The following FLNB variants were observed in gnomAD, a reference collection of about 807,000 sequenced individuals.
FLNB encodes filamin-B.
Under a neutral mutation model 250.6 loss-of-function variants are expected in FLNB, and 111 were observed. The observed-to-expected ratio is 0.44, with a 90% CI of 0.38 to 0.52. FLNB has a LOEUF of 0.52. FLNB is among the 20% of genes least tolerant of loss of function. The pLI, the probability that FLNB is intolerant of heterozygous loss-of-function variation, is 0.00. For synonymous variants in FLNB, 1,302 were observed against 1,372.1 expected (o/e 0.95, Z 1.13); for missense variants, 2,869 against 3,447.8 (o/e 0.83, Z 4.20).
Position 58,136,078 on chromosome 3 carries a change from G to T in FLNB, c.4771G>T (p.Gly1591Ter), listed in dbSNP as rs1462585788. The change falls in exon 28 of 46, where the codon GGA becomes TGA. Residue 1591 changes from glycine to a stop codon, truncating the protein, a stop_gained. Coordinates refer to ENST00000295956, the MANE Select transcript of FLNB (RefSeq NM_001457.4). LOFTEE classifies it high-confidence loss of function. ...IPDKTGRYMIGVTYGGDDIPL... is the reference protein window; with the variant it reads ...IPDKTGRYMI ...CGACAAGACTGGGCGCTATATGATT[G>T]GAGTCACCTACGGGGGTGACGACAT... 1 of 1,614,090 alleles carries T rather than the reference G, an allele frequency of 6.2e-7. No homozygotes were observed.
At chr3:58,055,425 G>A (rs955022341) in intron 1 of FLNB, among the ~76,000 whole-genome samples, 1 of 152,244 alleles carries the variant, frequency 6.6e-6, no homozygotes, top group African/African-American at 2.4e-5. Flanking sequence ...GGCCATATTT[G>A]TGGAGAGACC....
At chr3:58,052,550 C>T (rs1172421957) in intron 1 of FLNB, among the ~76,000 whole-genome samples, 2 of 152,206 alleles carry the variant, frequency 1.3e-5, no homozygotes, top group African/African-American at 4.8e-5. Flanking sequence ...AGACTGACTT[C>T]AGTCTTATCT....
At chr3:58,112,342 C>G (rs1476336808) in intron 18 of FLNB, 24 bp downstream of exon 18, 2 of 1,610,042 alleles carry the variant, frequency 1.2e-6, no homozygotes, top group Non-Finnish European at 1.7e-6. Context: ...CCCCTCTGCT[C>G]CCCTGGCCCC....
At position 58,104,029 on chromosome 3, in the gene FLNB, C is replaced by T. The variant is rs2097255245; in HGVS notation, c.1554C>T (p.Ser518=). The part of the protein sequence containing the change: ...DGVYAFEYYP[S]TPGRYSIAIT... ...TCTACGCATTCGAGTATTACCCCAG[C>T]ACCCCGGGGAGATACAGCATTGCCA... The change falls in exon 10 of 46, where the codon AGC becomes AGT. Residue 518 remains serine, a synonymous_variant. Coordinates refer to ENST00000295956, the MANE Select transcript of FLNB (RefSeq NM_001457.4). 1.2e-6 allele frequency: 2 copies of T among 1,613,648 alleles called. No homozygotes were observed. Among genetic ancestry groups the T allele is most frequent in the African/African-American group, 1.3e-5 (1 of 74,826 alleles).
rs1281611620 is a variant in FLNB, at chr3:58,125,758, A to G, written c.4061+15A>G. Reference sequence around the variant, plus strand: ...GTGGTTACCAGGTAGGCAAGGCCCTACATTTGGTGTCTTGAGTCTCACTTT... The same window carrying G: ...GTGGTTACCAGGTAGGCAAGGCCCTGCATTTGGTGTCTTGAGTCTCACTTT... On this transcript the variant is annotated intron_variant, in intron 23 of 45. Coordinates refer to ENST00000295956, the MANE Select transcript of FLNB (RefSeq NM_001457.4). 1 of 1,613,660 alleles carries G rather than the reference A, an allele frequency of 6.2e-7. No homozygotes were observed. Among genetic ancestry groups the G allele is most frequent in the Non-Finnish European group, 8.5e-7 (1 of 1,179,690 alleles).
Position 58,138,480 on chromosome 3 carries a change from A to T in FLNB, c.5060A>T (p.Tyr1687Phe). The change falls in exon 29 of 46, where the codon TAT becomes TTT. Residue 1687 changes from tyrosine to phenylalanine, a missense_variant. By Grantham distance (22) the Tyr-to-Phe change is conservative. Coordinates refer to ENST00000295956, the MANE Select transcript of FLNB (RefSeq NM_001457.4). ...GCCAAGCCGGGCACATATGTGATCT[A>T]TGTGCGCTTCGGTGGTGTTGATATT... ...TAAKPGTYVIYVRFGGVDIPN... is the reference protein window; with the variant it reads ...TAAKPGTYVIFVRFGGVDIPN... The T allele has an allele frequency of 6.2e-7, 1 of 1,614,202 alleles. No homozygotes were observed. Among genetic ancestry groups the T allele is most frequent in the Non-Finnish European group, 8.5e-7 (1 of 1,180,034 alleles).
chr3:58,147,077 G>A (rs2107265713), intron 34 of FLNB, 84 bp downstream of exon 34: 6 of 1,419,744 alleles, frequency 4.2e-6, no homozygotes, highest in South Asian at 2.3e-5. Context: ...ACCCCTGGCA[G>A]CAGGCTAGAC....
At chr3:58,060,109 C>A (rs1198207767) in intron 1 of FLNB, among the ~76,000 whole-genome samples, 1 of 152,244 alleles carries the variant, frequency 6.6e-6, no homozygotes. Flanking sequence ...TCACCTCTCA[C>A]TGGGAGGTCG....
At chr3:58,108,358 G>T in intron 12 of FLNB, 100 bp from the exon 13 acceptor site, 1 of 769,458 alleles carries the variant, frequency 1.3e-6, no homozygotes, top group Non-Finnish European at 2.3e-6. Context: ...CCAGACACAG[G>T]TCATTTTGTT....
At chr3:58,138,581 A>G in intron 29 of FLNB, 52 bp downstream of exon 29, 1 of 1,611,578 alleles carries the variant, frequency 6.2e-7, no homozygotes, top group South Asian at 1.1e-5. Flanking sequence ...AAACTGTAAC[A>G]GCTGCCGTTT....
intron 41 of FLNB, among the ~76,000 whole-genome samples, chr3:58,156,811 C>T (rs1466240416): frequency 1.3e-5 from 2 of 152,164 alleles, no homozygotes; most frequent in African/African-American, 4.8e-5. Flanking sequence ...ATTCTTCTGC[C>T]TCAGCCTCCT....
At position 58,137,286 on chromosome 3, in the gene FLNB, T is replaced by G. The variant is rs2097317782; in HGVS notation, c.4862-996T>G. ...CCCATGGCAAAAAATGGAAAAATTTTGGAATGCAGGCCAATCCACCACCTC... is the reference window on the plus strand; with the variant it reads ...CCCATGGCAAAAAATGGAAAAATTTGGGAATGCAGGCCAATCCACCACCTC... On this transcript the variant is annotated intron_variant, in intron 28 of 45. Coordinates refer to ENST00000295956, the MANE Select transcript of FLNB (RefSeq NM_001457.4). Among the ~76,000 whole-genome samples, 4 of 152,216 alleles carry G rather than the reference T, an allele frequency of 2.6e-5. No homozygotes were observed. The South Asian group carries it at 8.3e-4, about 32-fold the overall frequency.
chr3:58,077,310 TG>T lies in FLNB; in HGVS notation c.541+17del, dbSNP rs772204578. ...TGTGCTCCAGGTAAGTGGCCAGGGC[TG>T]CCTAAACCATCTGTCCAGGATGGGG... On this transcript the variant is annotated intron_variant, in intron 2 of 45. Transcript: ENST00000295956. The T allele has an allele frequency of 6.2e-7, 1 of 1,613,426 alleles. No homozygotes were observed. The highest frequency in any genetic ancestry group is 1.1e-5 in the South Asian group (1 of 91,064).
chr3:58,130,881 C>T lies in FLNB; in HGVS notation c.4363C>T (p.Leu1455=). 6.2e-7 allele frequency: 1 copy of T among 1,612,568 alleles called. No individual in the cohort carries two copies. The highest frequency in any genetic ancestry group is 1.1e-5 in the South Asian group (1 of 90,744). Residue 1455 remains leucine (L), a synonymous_variant, in exon 25 of 46, where the codon CTG becomes TTG. Coordinates refer to ENST00000295956, the MANE Select transcript of FLNB (RefSeq NM_001457.4). ...CAGCAGCAAGGCTGGCCTGGCTCCG[C>T]TGGAAGTGAGGGTTCTGGGCCCACG... ...VDSSKAGLAP[L]EVRVLGPRGL...
intron 1 of FLNB, 64 bp from the exon 2 acceptor site, chr3:58,076,982 T>A (rs1169036302): frequency 1.3e-6 from 2 of 1,559,970 alleles, no homozygotes; most frequent in African/African-American, 1.4e-5. Flanking sequence ...TACATTTATA[T>A]AAGGAGCATA....
At position 58,077,254 on chromosome 3, in the gene FLNB, CG is replaced by C; in HGVS notation, c.503del (p.Gly168AlafsTer8). The C allele has an allele frequency of 6.2e-7, 1 of 1,614,184 alleles. No homozygotes were observed. Among genetic ancestry groups the C allele is most frequent in the Non-Finnish European group, 8.5e-7 (1 of 1,180,006 alleles). On this transcript the variant is annotated frameshift_variant, in exon 2 of 46. Coordinates refer to ENST00000295956, the MANE Select transcript of FLNB (RefSeq NM_001457.4). LOFTEE classifies it high-confidence loss of function. ...ITNFNQNWQD[G>X]KALGALVDSC... is the part of the protein sequence containing the mutation. The stretch of plus-strand genomic sequence containing the variant: ...CCAACTTTAACCAGAACTGGCAAGA[CG>C]GCAAAGCCCTGGGAGCCCTGGTAGA...
chr3:58,159,615 G>T lies in FLNB; in HGVS notation c.6950G>T (p.Gly2317Val), dbSNP rs1300630016. The T allele has an allele frequency of 6.2e-7, 1 of 1,614,058 alleles. No individual in the cohort carries two copies. The highest frequency in any genetic ancestry group is 2.2e-5 in the East Asian group (1 of 44,878). ...GCTATAAGGTTGAATGGCGCAAAAGGCAAGATTGATGCAAAGGTGCACAGC... is the reference window on the plus strand; with the variant it reads ...GCTATAAGGTTGAATGGCGCAAAAGTCAAGATTGATGCAAAGGTGCACAGC... ...SFAIRLNGAKGKIDAKVHSPS... is the reference protein window; with the variant it reads ...SFAIRLNGAKVKIDAKVHSPS... Residue 2317 changes from glycine (G) to valine (V), a missense_variant, in exon 42 of 46, where the codon GGC (glycine) becomes GTC (valine). Physicochemically the swap from Gly to Val is moderately radical, Grantham distance 109 (BLOSUM62 -3). Coordinates refer to ENST00000295956, the MANE Select transcript of FLNB (RefSeq NM_001457.4).
chr3:58,099,106 A>G (rs1409898766), intron 8 of FLNB, among the ~76,000 whole-genome samples, 198 bp downstream of exon 8: 1 of 152,094 alleles, frequency 6.6e-6, no homozygotes, highest in Non-Finnish European at 1.5e-5. Context: ...CCACGCAGAG[A>G]CCTAAATGCT....
At chr3:58,073,533 A>T (rs1015983911) in intron 1 of FLNB, among the ~76,000 whole-genome samples, 1 of 151,546 alleles carries the variant, frequency 6.6e-6, no homozygotes, top group Non-Finnish European at 1.5e-5. Context: ...AGGGCCCTGT[A>T]CTTGGTTTAT....
Sources: allele counts gnomAD v4.1 joint callset (sites outside exome capture counted in the v4.1 genomes callset), GRCh38; gene constraint gnomAD v4.1.1; transcripts MANE v1.5; gene names NCBI Gene and HGNC (gene_info 2026-07-23, HGNC 2026-07-21).